The following CREB5 variants were observed in gnomAD, a reference collection of about 807,000 sequenced individuals.
CREB5 encodes cAMP responsive element binding protein 5.
Under a neutral mutation model 57.1 loss-of-function variants are expected in CREB5, and 19 were observed. The observed-to-expected ratio is 0.33, with a 90% CI of 0.23 to 0.49. The LOEUF (loss-of-function observed/expected upper bound fraction) is 0.49. Among genes scored for constraint, CREB5 ranks in the 20% least tolerant of loss-of-function variants. The probability of loss-of-function intolerance (pLI) is 0.99; values close to 1 mark genes in which losing one functional copy is unlikely to be tolerated. For synonymous variants in CREB5, 238 were observed against 238.3 expected (o/e 1.00, Z 0.01); for missense variants, 579 against 671.6 (o/e 0.86, Z 1.52).
chr7:28,656,064 T>C (rs7794388), intron 5 of CREB5, among the ~76,000 whole-genome samples: 3,184 of 152,288 alleles, frequency 0.021, 117 homozygotes, highest in African/African-American at 0.072. Flanking sequence ...TTTTTATTGA[T>C]TAAGAGAGAA....
At chr7:28,499,745 G>T (rs899415229) in intron 3 of CREB5, among the ~76,000 whole-genome samples, 1 of 152,086 alleles carries the variant, frequency 6.6e-6, no homozygotes, top group African/African-American at 2.4e-5. Context: ...CACCACACTC[G>T]GCTAATTTTG....
intron 5 of CREB5, among the ~76,000 whole-genome samples, chr7:28,611,843 C>T (rs1212435282): frequency 1.3e-5 from 2 of 151,800 alleles, no homozygotes; most frequent in Non-Finnish European, 2.9e-5. Flanking sequence ...ATGCATTTGC[C>T]AAATCTCATA....
chr7:28,445,693 A>T (rs1789418685), intron 1 of CREB5, among the ~76,000 whole-genome samples: 1 of 151,946 alleles, frequency 6.6e-6, no homozygotes, highest in African/African-American at 2.4e-5. Flanking sequence ...CTGGGACTAC[A>T]GGCGCCCGCC....
chr7:28,782,001 C>T (rs949044878), intron 7 of CREB5, among the ~76,000 whole-genome samples: 8 of 150,074 alleles, frequency 5.3e-5, no homozygotes, highest in Non-Finnish European at 8.9e-5. Context: ...CTTGGCCTCA[C>T]GAGATCTACC....
chr7:28,559,889 T>C (rs558357884), intron 4 of CREB5, among the ~76,000 whole-genome samples: 1 of 152,298 alleles, frequency 6.6e-6, no homozygotes, highest in South Asian at 2.1e-4. Context: ...AATCGCACAT[T>C]GTGAAACATG....
chr7:28,705,846 C>T (rs529872079), intron 5 of CREB5, among the ~76,000 whole-genome samples: 7 of 152,240 alleles, frequency 4.6e-5, no homozygotes, highest in South Asian at 2.1e-4. Context: ...ATCATTTAAA[C>T]GTAAACAAAA....
At chr7:28,388,552 A>G (rs1258976818) in intron 1 of CREB5, among the ~76,000 whole-genome samples, 1 of 152,198 alleles carries the variant, frequency 6.6e-6, no homozygotes, top group Non-Finnish European at 1.5e-5. Context: ...CTCAACAATT[A>G]AATGGTTGTT....
At chr7:28,521,197 G>T (rs1337908285) in intron 4 of CREB5, among the ~76,000 whole-genome samples, 11 of 152,090 alleles carry the variant, frequency 7.2e-5, no homozygotes, top group African/African-American at 2.7e-4. Context: ...TGTGTTTATG[G>T]TATTACAAAG....
chr7:28,522,536 T>A (rs1346395194), intron 4 of CREB5, among the ~76,000 whole-genome samples: 1 of 151,766 alleles, frequency 6.6e-6, no homozygotes, highest in South Asian at 2.1e-4. Context: ...GCTGGGATTA[T>A]AGGCATGTGC....
At chr7:28,468,845 G>A (rs1295815704) in intron 1 of CREB5, among the ~76,000 whole-genome samples, 1 of 152,194 alleles carries the variant, frequency 6.6e-6, no homozygotes, top group African/African-American at 2.4e-5. Flanking sequence ...CTATTTTGCA[G>A]ACTAGAGAAT....
At chr7:28,571,345 T>C (rs1795695323) in intron 5 of CREB5, among the ~76,000 whole-genome samples, 1 of 152,222 alleles carries the variant, frequency 6.6e-6, no homozygotes, top group Non-Finnish European at 1.5e-5. Context: ...CGCCCTCTGC[T>C]TATTCTTCCC....
intron 1 of CREB5, among the ~76,000 whole-genome samples, chr7:28,301,320 T>A (rs1583653809): frequency 6.6e-6 from 1 of 152,184 alleles, no homozygotes; most frequent in Non-Finnish European, 1.5e-5. Flanking sequence ...CAAACTTTAG[T>A]GTTGACCAAA....
Position 28,777,166 on chromosome 7 carries a change from C to T in CREB5, c.703-27033C>T, listed in dbSNP as rs181060296. ...AACCATTTTACACAGTAGATTCTTA[C>T]AAGGAACTCAACACCCCAAAGACAT... On this transcript the variant is annotated intron_variant, in intron 7 of 10. Transcript: ENST00000357727. Among the ~76,000 whole-genome samples, 11 of 152,304 alleles carry T rather than the reference C, an allele frequency of 7.2e-5. No individual in the cohort carries two copies. The South Asian group carries it at 1.4e-3, about 20-fold the overall frequency.
intron 5 of CREB5, among the ~76,000 whole-genome samples, chr7:28,645,030 G>T (rs1412215943): frequency 2.0e-5 from 3 of 152,114 alleles, no homozygotes; most frequent in African/African-American, 7.2e-5. Flanking sequence ...CCCCAGTGCC[G>T]TTGTCAAGAT....
intron 5 of CREB5, among the ~76,000 whole-genome samples, chr7:28,681,077 C>A (rs187299928): frequency 6.6e-6 from 1 of 151,202 alleles, no homozygotes; most frequent in East Asian, 2.0e-4. Flanking sequence ...TTCTGCCATC[C>A]CTGCTGTGGG....
At position 28,650,815 on chromosome 7, in the gene CREB5, TAAA is replaced by T. The variant is rs1207206752; in HGVS notation, c.465-67933_465-67931del. On this transcript the variant is annotated intron_variant, in intron 5 of 10. Coordinates refer to ENST00000357727, the MANE Select transcript of CREB5 (RefSeq NM_182898.4). The stretch of plus-strand genomic sequence containing the variant: ...GATCTCAAATTTAATTATCTTTTTT[TAAA>T]AAAAGAGACAACAAATGGTGATTTT... Among the ~76,000 whole-genome samples the T allele has an allele frequency of 2.6e-5, 4 of 152,278 alleles. No homozygotes were observed. In the East Asian group the frequency reaches 7.7e-4, roughly 29 times the overall value.
At chr7:28,748,858 G>A (rs1247278935) in intron 7 of CREB5, among the ~76,000 whole-genome samples, 4 of 152,142 alleles carry the variant, frequency 2.6e-5, no homozygotes, top group African/African-American at 9.7e-5. Flanking sequence ...CAAGAGGGGA[G>A]GAAAATCTGA....
intron 1 of CREB5, among the ~76,000 whole-genome samples, chr7:28,423,824 C>T (rs1788379895): frequency 6.6e-6 from 1 of 152,206 alleles, no homozygotes; most frequent in Non-Finnish European, 1.5e-5. Flanking sequence ...CAGAGAGTGG[C>T]TCCACAGGGA....
At chr7:28,309,458 A>G (rs1785239342) in intron 1 of CREB5, among the ~76,000 whole-genome samples, 4 of 152,018 alleles carry the variant, frequency 2.6e-5, no homozygotes, top group Admixed American at 2.6e-4. Flanking sequence ...ATTTGTGTCC[A>G]CTTTCCTCTG....
Sources: gnomAD v4.1 joint callset for allele counts (sites outside exome capture counted in the v4.1 genomes callset) on GRCh38, gnomAD v4.1.1 for gene constraint, MANE v1.5 for transcripts, NCBI Gene and HGNC (gene_info 2026-07-23, HGNC 2026-07-21) for gene names.